Variants in SPECC1 observed in about 807,000 individuals in gnomAD.
SPECC1 encodes sperm antigen with calponin homology and coiled-coil domains 1.
A neutral mutation model predicts 104.1 loss-of-function variants in SPECC1; 62 were observed. The observed-to-expected ratio is 0.60, with a 90% CI of 0.49 to 0.74. SPECC1 has a LOEUF of 0.74. SPECC1 is among the 30% of genes least tolerant of loss of function. The probability of loss-of-function intolerance (pLI) is 0.00; values close to 1 mark genes in which losing one functional copy is unlikely to be tolerated. For synonymous variants in SPECC1, 513 were observed against 501.6 expected, an observed-to-expected ratio of 1.02 and a Z score of -0.30; for missense variants, 1,306 against 1,310.5, an observed-to-expected ratio of 1.00 and a Z score of 0.05.
chr17:20,192,195 T>C (rs1273207924), intron 3 of SPECC1, among the ~76,000 whole-genome samples: 1 of 152,040 alleles, frequency 6.6e-6, no homozygotes, highest in Non-Finnish European at 1.5e-5. Flanking sequence ...CTTGAACCCC[T>C]GGACACAGGT....
intron 3 of SPECC1, among the ~76,000 whole-genome samples, chr17:20,182,434 T>A (rs2034973023): frequency 1.3e-5 from 2 of 152,282 alleles, no homozygotes; most frequent in African/African-American, 4.8e-5. Context: ...TTATTTTAAA[T>A]TGAGTTTTAT....
intron 1 of SPECC1, chr17:20,010,360 TAA>T (rs2043899147): frequency 6.6e-6 from 1 of 152,220 alleles, no homozygotes; most frequent in African/African-American, 2.4e-5. Flanking sequence ...AGGCAGCAGA[TAA>T]AGTGTTTTTT....
chr17:20,280,719 A>C (rs1341181345), intron 12 of SPECC1, among the ~76,000 whole-genome samples: 1 of 152,198 alleles, frequency 6.6e-6, no homozygotes, highest in African/African-American at 2.4e-5. Context: ...AATTTTAACT[A>C]ATTTAAACAG....
intron 1 of SPECC1, among the ~76,000 whole-genome samples, chr17:20,033,407 C>G (rs886669028): frequency 2.6e-5 from 4 of 152,016 alleles, no homozygotes; most frequent in African/African-American, 9.7e-5. Context: ...GTTGATTTCC[C>G]CCTGTCTTGG....
At chr17:20,093,873 G>A (rs1375350723) in intron 1 of SPECC1, among the ~76,000 whole-genome samples, 1 of 151,834 alleles carries the variant, frequency 6.6e-6, no homozygotes, top group Non-Finnish European at 1.5e-5. Flanking sequence ...TGGGGCTACA[G>A]GTGTGTGTCA....
chr17:20,146,908 A>AAAAAC (rs139003926), intron 3 of SPECC1, among the ~76,000 whole-genome samples: 3,798 of 152,086 alleles, frequency 0.025, 133 homozygotes, highest in East Asian at 0.082. Flanking sequence ...CTCTGTCTCA[A>AAAAAC]AAAACAAAAC....
chr17:20,172,685 CA>C (rs1459446268), intron 3 of SPECC1, among the ~76,000 whole-genome samples: 8 of 152,130 alleles, frequency 5.3e-5, no homozygotes, highest in African/African-American at 1.9e-4. Flanking sequence ...GGACTGAAGC[CA>C]GGGGGAAGAA....
intron 7 of SPECC1, chr17:20,237,630 A>G (rs551475538): frequency 3.5e-5 from 7 of 197,588 alleles, no homozygotes; most frequent in East Asian, 7.9e-5. Flanking sequence ...CCCAAGTTCT[A>G]CTTTTTGGTG....
chr17:20,018,341 G>A (rs536384882), intron 1 of SPECC1, among the ~76,000 whole-genome samples: 31 of 152,204 alleles, frequency 2.0e-4, no homozygotes, highest in Non-Finnish European at 3.7e-4. Flanking sequence ...TTTTAAAAAT[G>A]TTTCTACCAT....
At position 20,293,923 on chromosome 17, in the gene SPECC1, AG is replaced by A. The variant is rs920339424; in HGVS notation, c.2941-3034del. Among the ~76,000 whole-genome samples the A allele has an allele frequency of 4.6e-5, 7 of 152,116 alleles. No individual in the cohort carries two copies. The South Asian group carries it at 6.2e-4, about 14-fold the overall frequency. On this transcript the variant is annotated intron_variant, in intron 12 of 14. Transcript: ENST00000395527. Reference sequence around the variant, plus strand: ...ATGCACTGGAGTCCCCAGCTGGCCTAGGGGACCGGTACAGGAGTCTTCAGAA... The same window carrying A: ...ATGCACTGGAGTCCCCAGCTGGCCTAGGGACCGGTACAGGAGTCTTCAGAA...
intron 1 of SPECC1, among the ~76,000 whole-genome samples, chr17:20,015,584 A>ATCTTTTTTT (rs1250697118): frequency 9.8e-6 from 1 of 102,072 alleles, no homozygotes; most frequent in Non-Finnish European, 2.0e-5. Context: ...CCGGGTCTCT[A>ATCTTTTTTT]TTTTTTTTTT....
At chr17:20,199,425 G>C (rs142763611) in intron 3 of SPECC1, among the ~76,000 whole-genome samples, 7 of 137,938 alleles carry the variant, frequency 5.1e-5, no homozygotes, top group Admixed American at 1.5e-4. Context: ...ATAGAGACAG[G>C]GTCTTTCTCT....
At chr17:20,020,581 C>T (rs1467898207) in intron 1 of SPECC1, among the ~76,000 whole-genome samples, 1 of 152,208 alleles carries the variant, frequency 6.6e-6, no homozygotes, top group Admixed American at 6.5e-5. Flanking sequence ...ATCCGCCCGC[C>T]TCAGCCTCCC....
intron 3 of SPECC1, among the ~76,000 whole-genome samples, chr17:20,116,428 G>GT (rs1217186503): frequency 6.6e-6 from 1 of 152,086 alleles, no homozygotes; most frequent in African/African-American, 2.4e-5. Flanking sequence ...AGATAATAAT[G>GT]TAAGAAACAG....
chr17:20,286,950 G>C (rs900365451), intron 12 of SPECC1, among the ~76,000 whole-genome samples: 1 of 152,214 alleles, frequency 6.6e-6, no homozygotes, highest in African/African-American at 2.4e-5. Context: ...CCTGGAAACT[G>C]TGCTAGCCCC....
In SPECC1 at chr17:20,161,093, C is replaced by A. The variant is rs560978900; in HGVS notation, c.284-43240C>A. 2.6e-5 allele frequency among the ~76,000 whole-genome samples: 4 copies of A among 152,260 alleles called. No homozygotes were observed. In the South Asian group the frequency reaches 8.3e-4, roughly 32 times the overall value. On this transcript the variant is annotated intron_variant, in intron 3 of 14. Transcript: ENST00000395527. Reference sequence around the variant, plus strand: ...GAGTGCGGTGGTGGGCACCTGTAATCCGAGCTACTTGGGAGGCTGAGGCAG... The same window carrying A: ...GAGTGCGGTGGTGGGCACCTGTAATACGAGCTACTTGGGAGGCTGAGGCAG...
rs985400996 is a variant in SPECC1 at position 20,009,541 on chromosome 17, G to C, written c.-22+117G>C. The C allele has an allele frequency of 3.3e-5, 5 of 152,416 alleles. No individual in the cohort carries two copies. The highest frequency in any genetic ancestry group is 3.3e-4 in the Admixed American group (5 of 15,302). 9.4% of individuals were successfully genotyped at this position (152,416 alleles called of 1,614,324 possible). A position where few individuals can be genotyped will look rare whatever the true frequency, so the allele number is the denominator to read the frequency against. Reference sequence around the variant, plus strand: ...GTCCGGCAGTCCGTCGTGGGGGCACGGGACTGCCTTTCTGGGAAGGCGTGC... The same window carrying C: ...GTCCGGCAGTCCGTCGTGGGGGCACCGGACTGCCTTTCTGGGAAGGCGTGC... On this transcript the variant is annotated intron_variant, in intron 1 of 14. Transcript: ENST00000395527. The surrounding 1 kb of genome is among the most constrained non-coding windows in gnomAD (Gnocchi z 5.2).
At chr17:20,289,863 A>G (rs1468797537) in intron 12 of SPECC1, among the ~76,000 whole-genome samples, 1 of 152,208 alleles carries the variant, frequency 6.6e-6, no homozygotes, top group African/African-American at 2.4e-5. Context: ...GTCACAAACC[A>G]TAGTTGGGTG....
intron 4 of SPECC1, among the ~76,000 whole-genome samples, chr17:20,217,424 GCTT>G (rs2037569385): frequency 6.6e-6 from 1 of 152,094 alleles, no homozygotes; most frequent in Admixed American, 6.6e-5. Flanking sequence ...GAGTTACCTA[GCTT>G]GTAACTTGGC....
Sources: gnomAD v4.1 joint callset for allele counts (sites outside exome capture counted in the v4.1 genomes callset) on GRCh38, gnomAD v4.1.1 for gene constraint, Gnocchi (gnomAD v3.1) non-coding constraint, MANE v1.5 for transcripts, NCBI Gene and HGNC (gene_info 2026-07-23, HGNC 2026-07-21) for gene names.